Variants in FER observed in about 807,000 individuals in gnomAD.
FER encodes FER tyrosine kinase, also known as tyrosine-protein kinase Fer.
Under a neutral mutation model 111.0 loss-of-function variants are expected in FER, and 63 were observed. The observed-to-expected ratio is 0.57, with a 90% CI of 0.46 to 0.70. The LOEUF (loss-of-function observed/expected upper bound fraction) is 0.70, where lower values mean the gene tolerates loss of function less well. FER is among the 30% of genes least tolerant of loss of function. The pLI is 0.00. For synonymous variants in FER, 327 were observed against 313.9 expected (o/e 1.04, Z -0.44); for missense variants, 914 against 954.0 (o/e 0.96, Z 0.55).
At chr5:109,105,697 T>G (rs1176668998) in intron 17 of FER, among the ~76,000 whole-genome samples, 1 of 152,126 alleles carries the variant, frequency 6.6e-6, no homozygotes. Context: ...CTGACACATT[T>G]CCTGTAATTC....
intron 1 of FER, among the ~76,000 whole-genome samples, chr5:108,762,285 C>T (rs182828801): frequency 1.3e-5 from 2 of 152,282 alleles, no homozygotes; most frequent in South Asian, 4.1e-4. Flanking sequence ...TTTGCCCTGA[C>T]CCCAGTGTGA....
At chr5:109,126,585 C>G (rs1751759033) in intron 17 of FER, among the ~76,000 whole-genome samples, 1 of 152,190 alleles carries the variant, frequency 6.6e-6, no homozygotes. Context: ...CTGATTCTGT[C>G]TCTCATGGGT....
chr5:108,987,554 A>G (rs954601290), intron 13 of FER, among the ~76,000 whole-genome samples: 1 of 152,148 alleles, frequency 6.6e-6, no homozygotes, highest in African/African-American at 2.4e-5. Context: ...ATTTGCAGCT[A>G]TTGTAAAGGA....
At chr5:108,904,717 G>T (rs971050525) in intron 10 of FER, among the ~76,000 whole-genome samples, 5 of 152,142 alleles carry the variant, frequency 3.3e-5, no homozygotes, top group African/African-American at 9.6e-5. Flanking sequence ...TATATTTTAG[G>T]TTTTGTTCAG....
intron 2 of FER, among the ~76,000 whole-genome samples, chr5:108,791,526 T>C (rs895722500): frequency 6.7e-6 from 1 of 149,054 alleles, no homozygotes; most frequent in East Asian, 1.9e-4. Flanking sequence ...CATCCAGAAG[T>C]TCCTTATCAT....
intron 16 of FER, among the ~76,000 whole-genome samples, chr5:109,097,789 T>C (rs1445289278): frequency 2.0e-5 from 3 of 151,810 alleles, no homozygotes; most frequent in African/African-American, 7.2e-5. Flanking sequence ...AGTTTATTTC[T>C]TGCTTCAGGG....
intron 16 of FER, among the ~76,000 whole-genome samples, chr5:109,070,924 G>A (rs1412064227): frequency 6.6e-6 from 1 of 151,862 alleles, no homozygotes; most frequent in Non-Finnish European, 1.5e-5. Context: ...AAAAATAAAT[G>A]ATTCATCTAT....
intron 13 of FER, among the ~76,000 whole-genome samples, chr5:109,019,977 A>T (rs1010199625): frequency 6.6e-6 from 1 of 151,904 alleles, no homozygotes; most frequent in Non-Finnish European, 1.5e-5. Context: ...TTTCTTTTAG[A>T]ATTTACTTCA....
chr5:109,031,273 C>T (rs976868624), intron 13 of FER, among the ~76,000 whole-genome samples: 1 of 152,056 alleles, frequency 6.6e-6, no homozygotes, highest in Non-Finnish European at 1.5e-5. Context: ...TTCCAGGAGT[C>T]CCAAACCAAT....
intron 13 of FER, among the ~76,000 whole-genome samples, chr5:108,973,623 T>G (rs1342774032): frequency 6.6e-6 from 1 of 152,122 alleles, no homozygotes; most frequent in Non-Finnish European, 1.5e-5. Flanking sequence ...TGATAGTTAT[T>G]TAAATTAATG....
At chr5:109,022,625 A>G (rs1232167222) in intron 13 of FER, among the ~76,000 whole-genome samples, 1 of 152,188 alleles carries the variant, frequency 6.6e-6, no homozygotes, top group Non-Finnish European at 1.5e-5. Context: ...CATAATATAT[A>G]GAAATATTAC....
chr5:108,906,728 C>T (rs1750826554), intron 10 of FER, among the ~76,000 whole-genome samples: 1 of 151,708 alleles, frequency 6.6e-6, no homozygotes, highest in African/African-American at 2.4e-5. Context: ...TCCCTAAGTA[C>T]AATTATATCT....
At chr5:109,080,744 A>C (rs1337368445) in intron 16 of FER, among the ~76,000 whole-genome samples, 1 of 152,126 alleles carries the variant, frequency 6.6e-6, no homozygotes, top group Non-Finnish European at 1.5e-5. Context: ...CATATAGAAT[A>C]AACTATGATA....
At chr5:108,974,077 T>G (rs1260197399) in intron 13 of FER, among the ~76,000 whole-genome samples, 2 of 152,230 alleles carry the variant, frequency 1.3e-5, no homozygotes, top group South Asian at 4.1e-4. Flanking sequence ...AGCATTTTTC[T>G]GATTATCTCT....
chr5:108,963,435 A>G (rs1005532426), intron 13 of FER, among the ~76,000 whole-genome samples: 1 of 151,978 alleles, frequency 6.6e-6, no homozygotes, highest in Non-Finnish European at 1.5e-5. Flanking sequence ...GGTGGCACAC[A>G]CCTATAATCC....
chr5:108,848,159 T>TATGAG (rs1762204606), intron 5 of FER, among the ~76,000 whole-genome samples: 1 of 152,182 alleles, frequency 6.6e-6, no homozygotes, highest in Admixed American at 6.5e-5. Flanking sequence ...AGAGTACAGG[T>TATGAG]ATGAGCCACC....
intron 13 of FER, among the ~76,000 whole-genome samples, chr5:108,983,906 C>T (rs1273090704): frequency 1.3e-5 from 2 of 151,758 alleles, no homozygotes; most frequent in East Asian, 3.9e-4. Flanking sequence ...TTTCATTCTC[C>T]CTTTGCTCTA....
chr5:108,977,478 A>G (rs1413646690), intron 13 of FER, among the ~76,000 whole-genome samples: 3 of 152,202 alleles, frequency 2.0e-5, no homozygotes, highest in African/African-American at 7.2e-5. Context: ...TAAAAAGTCC[A>G]TGTATAAGTG....
Position 108,802,621 on chromosome 5 carries a change from T to TG in FER, c.207+4233dup, listed in dbSNP as rs547284349. 1.2e-4 allele frequency among the ~76,000 whole-genome samples: 18 copies of TG among 152,276 alleles called. No homozygotes were observed. The East Asian group carries it at 3.3e-3, about 28-fold the overall frequency. ...AGAACATGGAGTATTTGTTTTTTTT[T>TG]GTTCCTGTGTTAATTTGCTTAGGAT... On this transcript the variant is annotated intron_variant, in intron 3 of 19. Coordinates refer to ENST00000281092, the MANE Select transcript of FER (RefSeq NM_005246.4).
Sources: gnomAD v4.1 joint callset for allele counts (sites outside exome capture counted in the v4.1 genomes callset) on GRCh38, gnomAD v4.1.1 for gene constraint, MANE v1.5 for transcripts, NCBI Gene and HGNC (gene_info 2026-07-23, HGNC 2026-07-21) for gene names.